The following CD226 variants were observed in gnomAD, a reference collection of about 807,000 sequenced individuals.
The protein encoded by CD226 is CD226 antigen.
CD226 carries 24 observed loss-of-function variants against 34.9 expected under a neutral mutation model. The observed-to-expected ratio is 0.69, with a 90% confidence interval of 0.50 to 0.97. The LOEUF is 0.97. Among genes scored for constraint, CD226 ranks in the 50% least tolerant of loss-of-function variants. The pLI is 0.00. For missense variants in CD226, 397 were observed against 412.7 expected, an observed-to-expected ratio of 0.96 and a Z score of 0.33; for synonymous variants, 148 against 147.4, an observed-to-expected ratio of 1.00 and a Z score of -0.03.
chr18:69,880,348 G>T (rs1984158503), intron 3 of CD226, among the ~76,000 whole-genome samples: 1 of 83,198 alleles, frequency 1.2e-5, no homozygotes, highest in African/African-American at 3.0e-5. Context: ...AAGAAAGAAA[G>T]AAAGAAAGAA....
At chr18:69,868,499 T>G (rs559846526) in intron 4 of CD226, among the ~76,000 whole-genome samples, 1 of 152,324 alleles carries the variant, frequency 6.6e-6, no homozygotes, top group South Asian at 2.1e-4. Context: ...CTATGTGCAT[T>G]TATTTTCTTA....
chr18:69,955,988 T>C (rs953166836), intron 1 of CD226, among the ~76,000 whole-genome samples: 1 of 151,472 alleles, frequency 6.6e-6, no homozygotes, highest in Non-Finnish European at 1.5e-5. Flanking sequence ...TAGACCACGA[T>C]ACCCTTAGAA....
intron 2 of CD226, among the ~76,000 whole-genome samples, chr18:69,939,085 CAAAAAAGGAAAA>C (rs1019339013): frequency 6.6e-5 from 10 of 151,768 alleles, no homozygotes; most frequent in African/African-American, 2.4e-4. Context: ...GACTCTGTCT[CAAAAAAGGAAAA>C]GAAAAAGAAA....
chr18:69,927,224 C>A (rs1364017568), intron 2 of CD226, among the ~76,000 whole-genome samples: 5 of 152,118 alleles, frequency 3.3e-5, no homozygotes, highest in African/African-American at 9.7e-5. Flanking sequence ...CAAAGAGCAA[C>A]CCCTCACTAG....
chr18:69,912,708 A>G (rs2055340518), intron 2 of CD226, among the ~76,000 whole-genome samples: 1 of 152,244 alleles, frequency 6.6e-6, no homozygotes, highest in Admixed American at 6.5e-5. Context: ...AGGACTTATT[A>G]TCTGCTTGTG....
At chr18:69,920,406 A>G (rs1463538305) in intron 2 of CD226, among the ~76,000 whole-genome samples, 1 of 152,202 alleles carries the variant, frequency 6.6e-6, no homozygotes, top group Non-Finnish European at 1.5e-5. Context: ...GATAAAAACA[A>G]TGCTTCATGG....
rs948325607 is a variant in CD226, at chr18:69,864,177, G to A, written c.*137C>T. 3 of 699,698 alleles carry A rather than the reference G, an allele frequency of 4.3e-6. No individual in the cohort carries two copies. Among genetic ancestry groups the A allele is most frequent in the African/African-American group, 3.6e-5 (2 of 55,482 alleles). 43.3% of individuals were successfully genotyped at this position (699,698 alleles called of 1,614,324 possible). On this transcript the variant is annotated 3_prime_UTR_variant, in exon 6 of 6. Coordinates refer to ENST00000582621, the MANE Select transcript of CD226 (RefSeq NM_001303618.2). ...ATGAAAAATGATTTTAGGTAATGAA[G>A]TATTTTTCCTATCAAAGTAACTCAA... is the stretch of plus-strand genomic sequence containing the variant.
chr18:69,950,186 A>G (rs1200499167), upstream of CD226, among the ~76,000 whole-genome samples: 1 of 151,912 alleles, frequency 6.6e-6, no homozygotes, highest in Non-Finnish European at 1.5e-5. Context: ...GTACATGCAT[A>G]CACTCACATG....
chr18:69,935,939 C>T (rs1240480928), intron 2 of CD226, among the ~76,000 whole-genome samples: 1 of 152,214 alleles, frequency 6.6e-6, no homozygotes, highest in Non-Finnish European at 1.5e-5. Context: ...CCACTCCCTG[C>T]TCTGGCTCGC....
chr18:69,952,854 TG>T (rs1209217369), upstream of CD226, among the ~76,000 whole-genome samples: 7 of 152,204 alleles, frequency 4.6e-5, no homozygotes, highest in African/African-American at 1.4e-4. Context: ...TATCTGATTA[TG>T]GTCTAATATC....
At position 69,864,262 on chromosome 18, in the gene CD226, C is replaced by T. The variant is rs1982991114; in HGVS notation, c.*52G>A. The T allele has an allele frequency of 1.3e-6, 2 of 1,578,714 alleles. No individual in the cohort carries two copies. Among genetic ancestry groups the T allele is most frequent in the East Asian group, 2.3e-5 (1 of 44,284 alleles). ...AGTGGAAAAAAATTGCATAAAGATC[C>T]ATGCATGAGTACATAAGAGTCATTA... On this transcript the variant is annotated 3_prime_UTR_variant, in exon 6 of 6. Transcript: ENST00000582621.
At chr18:69,874,007 G>T (rs540556906) in intron 3 of CD226, among the ~76,000 whole-genome samples, 3 of 151,536 alleles carry the variant, frequency 2.0e-5, no homozygotes, top group East Asian at 3.9e-4. Flanking sequence ...ATTCAATTTG[G>T]TAATGATACA....
At chr18:69,942,194 T>C (rs1001538899) in intron 2 of CD226, among the ~76,000 whole-genome samples, 3 of 152,232 alleles carry the variant, frequency 2.0e-5, no homozygotes, top group Admixed American at 1.3e-4. Flanking sequence ...CACAGCAGTG[T>C]GAGAATAGAC....
At chr18:69,920,226 T>G (rs943983015) in intron 2 of CD226, among the ~76,000 whole-genome samples, 12 of 152,188 alleles carry the variant, frequency 7.9e-5, no homozygotes, top group Non-Finnish European at 1.8e-4. Context: ...TGAAGATATT[T>G]TTTAAACTGC....
intron 2 of CD226, among the ~76,000 whole-genome samples, chr18:69,935,336 G>C (rs2055639376): frequency 6.6e-6 from 1 of 152,132 alleles, no homozygotes; most frequent in South Asian, 2.1e-4. Flanking sequence ...ATCCTATAAG[G>C]AAGTTTCCCA....
intron 2 of CD226, among the ~76,000 whole-genome samples, chr18:69,929,139 G>A (rs1295324560): frequency 6.6e-6 from 1 of 152,158 alleles, no homozygotes; most frequent in Non-Finnish European, 1.5e-5. Flanking sequence ...AAAGGTTGCT[G>A]CTACCCAGCC....
Position 69,861,810 on chromosome 18 carries a change from C to G in CD226, c.*2504G>C, listed in dbSNP as rs1343717525. The G allele has an allele frequency of 1.3e-5, 2 of 151,716 alleles. No homozygotes were observed. Among genetic ancestry groups the G allele is most frequent in the Non-Finnish European group, 2.9e-5 (2 of 67,908 alleles). 9.4% of individuals were successfully genotyped at this position (151,716 alleles called of 1,614,324 possible). A position where few individuals can be genotyped will look rare whatever the true frequency, so the allele number is the denominator to read the frequency against. On this transcript the variant is annotated 3_prime_UTR_variant, in exon 6 of 6. Coordinates refer to ENST00000582621, the MANE Select transcript of CD226 (RefSeq NM_001303618.2). ...TGTTAAAAAGATGACAATGAAAGTG[C>G]TTTGGTAAGTAAAGATGTCCAGAGA... is the stretch of plus-strand genomic sequence containing the variant.
intron 2 of CD226, among the ~76,000 whole-genome samples, chr18:69,932,464 A>G (rs758281365): frequency 1.3e-5 from 2 of 152,120 alleles, no homozygotes; most frequent in African/African-American, 2.4e-5. Context: ...CTAAGCAAAA[A>G]TCTGGAGCTC....
intron 2 of CD226, among the ~76,000 whole-genome samples, chr18:69,924,941 G>A (rs117567249): frequency 0.03 from 4,575 of 152,240 alleles, 110 homozygotes; most frequent in South Asian, 0.048. Flanking sequence ...ACACTAAAGG[G>A]ATTCGTTTCA....
Sources: gnomAD v4.1 joint callset for allele counts (sites outside exome capture counted in the v4.1 genomes callset) on GRCh38, gnomAD v4.1.1 for gene constraint, MANE v1.5 for transcripts, NCBI Gene and HGNC (gene_info 2026-07-23, HGNC 2026-07-21) for gene names.